The following SPAG16 variants were observed in gnomAD, a reference collection of about 807,000 sequenced individuals.
The protein encoded by SPAG16 is sperm-associated antigen 16 protein.
SPAG16 carries 86 observed loss-of-function variants against 80.4 expected under a neutral mutation model. The observed-to-expected ratio is 1.07, with a 90% confidence interval of 0.90 to 1.28. The LOEUF (loss-of-function observed/expected upper bound fraction) is 1.28. Among genes scored for constraint, SPAG16 ranks in the 50% most tolerant of loss-of-function variants. The probability of loss-of-function intolerance (pLI) is 0.00; values close to 1 mark genes in which losing one functional copy is unlikely to be tolerated. For missense variants in SPAG16, 870 were observed against 765.3 expected (o/e 1.14, Z -1.61); for synonymous variants, 294 against 265.9 (o/e 1.11, Z -1.03).
intron 15 of SPAG16, among the ~76,000 whole-genome samples, chr2:214,347,514 A>G (rs746978746): frequency 2.0e-5 from 3 of 152,204 alleles, no homozygotes; most frequent in Non-Finnish European, 2.9e-5. Flanking sequence ...AAGTTTCTTT[A>G]TTAAGATGTT....
intron 9 of SPAG16, among the ~76,000 whole-genome samples, chr2:213,418,784 C>T (rs2069414461): frequency 6.6e-6 from 1 of 152,162 alleles, no homozygotes; most frequent in East Asian, 1.9e-4. Context: ...TGAATCCCTA[C>T]ATAGATTACA....
chr2:213,344,665 T>C (rs1196108812), intron 6 of SPAG16, among the ~76,000 whole-genome samples: 3 of 152,102 alleles, frequency 2.0e-5, no homozygotes, highest in Admixed American at 2.0e-4. Flanking sequence ...TTGCTGAGAA[T>C]GATGGTTTCC....
chr2:214,337,647 G>T (rs1697391299), intron 15 of SPAG16, among the ~76,000 whole-genome samples: 1 of 152,148 alleles, frequency 6.6e-6, no homozygotes, highest in South Asian at 2.1e-4. Context: ...AAAGTGCATG[G>T]CTATAGGGGA....
At chr2:213,337,638 T>C (rs944932999) in intron 5 of SPAG16, among the ~76,000 whole-genome samples, 1 of 151,868 alleles carries the variant, frequency 6.6e-6, no homozygotes, top group Admixed American at 6.6e-5. Flanking sequence ...TTGAAGACTA[T>C]CTTGCTGAAA....
chr2:213,474,560 A>G (rs556403059), intron 9 of SPAG16, among the ~76,000 whole-genome samples: 3 of 152,228 alleles, frequency 2.0e-5, no homozygotes, highest in South Asian at 2.1e-4. Flanking sequence ...TGTCAAATGC[A>G]TTTATTTTGT....
intron 10 of SPAG16, among the ~76,000 whole-genome samples, chr2:213,615,848 T>C (rs1398388270): frequency 6.6e-6 from 1 of 152,168 alleles, no homozygotes; most frequent in Non-Finnish European, 1.5e-5. Flanking sequence ...AAATGATTGT[T>C]ACTTTTTGCA....
intron 13 of SPAG16, among the ~76,000 whole-genome samples, chr2:214,038,163 T>G (rs1440666348): frequency 6.6e-6 from 1 of 152,190 alleles, no homozygotes; most frequent in African/African-American, 2.4e-5. Context: ...TTGACCTCTT[T>G]TATTCTATTT....
intron 12 of SPAG16, among the ~76,000 whole-genome samples, chr2:213,994,497 G>T (rs1338123272): frequency 6.6e-6 from 1 of 151,488 alleles, no homozygotes; most frequent in African/African-American, 2.4e-5. Context: ...TAAAATATTA[G>T]ATCCTGTTAC....
At chr2:213,361,993 G>C (rs1390737989) in intron 7 of SPAG16, among the ~76,000 whole-genome samples, 2 of 152,138 alleles carry the variant, frequency 1.3e-5, no homozygotes, top group Non-Finnish European at 2.9e-5. Context: ...ATTCTCATAT[G>C]TGAGGTGAGG....
At chr2:214,177,475 C>G (rs1229845038) in intron 15 of SPAG16, among the ~76,000 whole-genome samples, 1 of 151,042 alleles carries the variant, frequency 6.6e-6, no homozygotes, top group African/African-American at 2.4e-5. Context: ...CTGTGACTTT[C>G]CTGCTTCTGC....
In SPAG16 at chr2:214,013,943, C is replaced by A. The variant is rs751137260; in HGVS notation, c.1401-8C>A. 12 of 1,612,178 alleles carry A rather than the reference C, an allele frequency of 7.4e-6. No individual in the cohort carries two copies. The Middle Eastern group carries it at 1.3e-3, about 177-fold the overall frequency. ...AACTCCTAAAATTCTTAATTTCTCTCTTTATAGTGAAAGATGCAGATGTAC... is the reference window on the plus strand; with the variant it reads ...AACTCCTAAAATTCTTAATTTCTCTATTTATAGTGAAAGATGCAGATGTAC... On this transcript the variant is annotated splice_region_variant and splice_polypyrimidine_tract_variant and intron_variant, in intron 12 of 15. Transcript: ENST00000331683.
intron 12 of SPAG16, among the ~76,000 whole-genome samples, chr2:213,974,311 A>T (rs890497522): frequency 2.0e-5 from 3 of 152,084 alleles, no homozygotes; most frequent in African/African-American, 7.2e-5. Context: ...TACAAAATGT[A>T]TATTACATAC....
chr2:213,908,930 C>T (rs920546790), intron 11 of SPAG16, among the ~76,000 whole-genome samples: 3 of 151,826 alleles, frequency 2.0e-5, no homozygotes, highest in Non-Finnish European at 4.4e-5. Context: ...CTCCTCCCCC[C>T]CACCACACAA....
chr2:214,314,906 C>T (rs1054093759), intron 15 of SPAG16, among the ~76,000 whole-genome samples: 6 of 151,598 alleles, frequency 4.0e-5, no homozygotes, highest in Non-Finnish European at 7.4e-5. Flanking sequence ...AAAGTAGCTA[C>T]TGCATTCAGC....
At chr2:213,806,525 T>C (rs998433357) in intron 10 of SPAG16, among the ~76,000 whole-genome samples, 3 of 152,166 alleles carry the variant, frequency 2.0e-5, no homozygotes, top group African/African-American at 7.2e-5. Context: ...CTGAGAATAG[T>C]ATTTTTCTTT....
At chr2:214,056,572 G>T (rs1034381225) in intron 13 of SPAG16, among the ~76,000 whole-genome samples, 6 of 152,034 alleles carry the variant, frequency 3.9e-5, no homozygotes, top group Non-Finnish European at 1.5e-5. Flanking sequence ...TCAGCAAGTT[G>T]TAATGTTTTC....
chr2:213,321,623 T>C (rs1427233851), intron 5 of SPAG16, among the ~76,000 whole-genome samples: 1 of 152,134 alleles, frequency 6.6e-6, no homozygotes. Context: ...CACTAAAATA[T>C]CATTTGAATT....
chr2:214,231,102 G>A (rs543963745), intron 15 of SPAG16, among the ~76,000 whole-genome samples: 1 of 152,010 alleles, frequency 6.6e-6, no homozygotes, highest in East Asian at 1.9e-4. Context: ...TATGTCGTTG[G>A]ATCCAGACAT....
intron 15 of SPAG16, among the ~76,000 whole-genome samples, chr2:214,269,298 A>G (rs1042992691): frequency 9.2e-5 from 14 of 152,006 alleles, no homozygotes; most frequent in African/African-American, 2.7e-4. Flanking sequence ...TAACTTAGAG[A>G]AGAAAATAAA....
Sources: allele counts gnomAD v4.1 joint callset (sites outside exome capture counted in the v4.1 genomes callset), GRCh38; gene constraint gnomAD v4.1.1; transcripts MANE v1.5; gene names NCBI Gene and HGNC (gene_info 2026-07-23, HGNC 2026-07-21).